The following ATP6V1C1 variants were observed in gnomAD, a reference collection of about 807,000 sequenced individuals.
ATP6V1C1 encodes the protein ATPase H+ transporting V1 subunit C1, also known as V-type proton ATPase subunit C 1.
In ATP6V1C1, 45 loss-of-function variants were observed where a neutral mutation model predicts 53.9. The observed-to-expected ratio is 0.83, with a 90% confidence interval of 0.66 to 1.07. The LOEUF (loss-of-function observed/expected upper bound fraction) is 1.07, where lower values mean the gene tolerates loss of function less well. Among genes scored for constraint, ATP6V1C1 ranks in the 50% least tolerant of loss-of-function variants. The pLI, the probability that ATP6V1C1 is intolerant of heterozygous loss-of-function variation, is 0.00. For synonymous variants in ATP6V1C1, 153 were observed against 155.2 expected (o/e 0.99, Z 0.11); for missense variants, 315 against 440.3 (o/e 0.72, Z 2.55).
At chr8:103,046,376 T>A (rs1271172715) in intron 3 of ATP6V1C1, among the ~76,000 whole-genome samples, 1 of 152,010 alleles carries the variant, frequency 6.6e-6, no homozygotes, top group Admixed American at 6.6e-5. Context: ...CCAGCTAATT[T>A]TTTTATTTTT....
At chr8:103,029,315 G>C (rs11776014) in intron 1 of ATP6V1C1, among the ~76,000 whole-genome samples, 1 of 149,966 alleles carries the variant, frequency 6.7e-6, no homozygotes, top group African/African-American at 2.5e-5. Flanking sequence ...CTGTCACCCA[G>C]GCTGGAGTGA....
intron 1 of ATP6V1C1, among the ~76,000 whole-genome samples, chr8:103,032,585 C>G (rs1235334126): frequency 6.6e-6 from 1 of 151,916 alleles, no homozygotes; most frequent in African/African-American, 2.4e-5. Context: ...TCAAGCAATT[C>G]TTGTGCCTCA....
chr8:103,036,318 C>T (rs899763605), intron 1 of ATP6V1C1, among the ~76,000 whole-genome samples: 1 of 152,190 alleles, frequency 6.6e-6, no homozygotes, highest in Non-Finnish European at 1.5e-5. Context: ...AAAAGCACAA[C>T]ATCAGACTTA....
At chr8:103,066,202 A>C (rs942588121) in intron 11 of ATP6V1C1, 119 bp from the exon 12 acceptor site, 5 of 1,072,298 alleles carry the variant, frequency 4.7e-6, no homozygotes, top group Non-Finnish European at 6.5e-6. Flanking sequence ...TGTAAAGGTA[A>C]AGGGAGATAT....
At chr8:103,045,791 A>G (rs988909484) in intron 3 of ATP6V1C1, among the ~76,000 whole-genome samples, 4 of 152,060 alleles carry the variant, frequency 2.6e-5, no homozygotes, top group Non-Finnish European at 5.9e-5. Flanking sequence ...AATACAAAAA[A>G]TTATCCAGGT....
At chr8:103,066,228 C>T in intron 11 of ATP6V1C1, 93 bp from the exon 12 acceptor site, 1 of 1,401,576 alleles carries the variant, frequency 7.1e-7, no homozygotes, top group Non-Finnish European at 9.6e-7. Context: ...CCCCGTTAAC[C>T]ATGATTAAAG....
At chr8:103,043,914 A>T (rs896618952) in intron 3 of ATP6V1C1, among the ~76,000 whole-genome samples, 2 of 152,036 alleles carry the variant, frequency 1.3e-5, no homozygotes, top group Non-Finnish European at 2.9e-5. Context: ...CTTGAGACAG[A>T]GTCTCGCTCT....
At chr8:103,066,245 A>G in intron 11 of ATP6V1C1, 76 bp from the exon 12 acceptor site, 1 of 1,496,986 alleles carries the variant, frequency 6.7e-7, no homozygotes, top group Non-Finnish European at 9.0e-7. Flanking sequence ...AAAGAGTATG[A>G]GAATATTTGC....
Position 103,055,911 on chromosome 8 carries a change from GA to G in ATP6V1C1, c.619del (p.Met207TrpfsTer2). On this transcript the variant is annotated frameshift_variant, in exon 8 of 13. Transcript: ENST00000518738. LOFTEE classifies it high-confidence loss of function. ...DWIKQYETLAEMVVPRSSNVL... is the reference protein window; with the variant it reads ...DWIKQYETLAXMVVPRSSNVL... Reference sequence around the variant, plus strand: ...GATTAAGCAGTATGAAACACTAGCCGAAATGGTAGTTCCAAGGTCTAGCAAG... The same window carrying G: ...GATTAAGCAGTATGAAACACTAGCCGAATGGTAGTTCCAAGGTCTAGCAAG... The G allele has an allele frequency of 6.2e-7, 1 of 1,612,030 alleles. No individual in the cohort carries two copies. Among genetic ancestry groups the G allele is most frequent in the Non-Finnish European group, 8.5e-7 (1 of 1,178,456 alleles).
chr8:103,050,343 C>T (rs1817178556), intron 4 of ATP6V1C1, among the ~76,000 whole-genome samples: 2 of 152,140 alleles, frequency 1.3e-5, no homozygotes, highest in African/African-American at 4.8e-5. Context: ...GATAGAGTTG[C>T]TTTTGGAAAT....
At chr8:103,047,465 T>C (rs1370480482) in intron 3 of ATP6V1C1, among the ~76,000 whole-genome samples, 2 of 45,666 alleles carry the variant, frequency 4.4e-5, no homozygotes, top group South Asian at 6.0e-4. Context: ...CACACACACA[T>C]TTTTTTTTTA....
At chr8:103,025,318 GC>G (rs1402399240) in intron 1 of ATP6V1C1, among the ~76,000 whole-genome samples, 1 of 152,144 alleles carries the variant, frequency 6.6e-6, no homozygotes, top group Non-Finnish European at 1.5e-5. Context: ...ATGCTGATTA[GC>G]GATCTCCACA....
chr8:103,023,906 G>GT (rs1816648877), intron 1 of ATP6V1C1, among the ~76,000 whole-genome samples: 4 of 110,194 alleles, frequency 3.6e-5, no homozygotes, highest in East Asian at 4.4e-4. Context: ...ATTTTTTTTT[G>GT]GGGGGGGGGA....
At chr8:103,030,052 A>G (rs1816768978) in intron 1 of ATP6V1C1, among the ~76,000 whole-genome samples, 1 of 152,200 alleles carries the variant, frequency 6.6e-6, no homozygotes, top group South Asian at 2.1e-4. Flanking sequence ...GCTTTTAAAT[A>G]AATTCATGTT....
intron 1 of ATP6V1C1, among the ~76,000 whole-genome samples, chr8:103,027,165 ACTGATAGCTGAGGTATGCCTTCTTGT>A (rs1816711476): frequency 6.6e-6 from 1 of 152,214 alleles, no homozygotes; most frequent in Non-Finnish European, 1.5e-5. Flanking sequence ...GTGATATTTC[ACTGATAGCTGAGGTATGCCTTCTTGT>A]GCTTCTTAAA....
At chr8:103,068,491 C>T (rs1022025277) in intron 12 of ATP6V1C1, among the ~76,000 whole-genome samples, 161 bp from the exon 13 acceptor site, 3 of 152,192 alleles carry the variant, frequency 2.0e-5, no homozygotes, top group Admixed American at 2.0e-4. Context: ...ATTGTTTTCT[C>T]ATTTGCAAAA....
At chr8:103,038,716 A>G (rs73699555) in intron 1 of ATP6V1C1, among the ~76,000 whole-genome samples, 35 of 152,362 alleles carry the variant, frequency 2.3e-4, no homozygotes, top group African/African-American at 7.0e-4. Flanking sequence ...GAATGAAAAA[A>G]TCAGATTGGA....
chr8:103,035,231 G>T lies in ATP6V1C1; in HGVS notation c.-39-5567G>T, dbSNP rs1198611263. Among the ~76,000 whole-genome samples, 6 of 151,948 alleles carry T rather than the reference G, an allele frequency of 3.9e-5. No homozygotes were observed. In the East Asian group the frequency reaches 9.7e-4, roughly 24 times the overall value. ...TTTTAATTTTTACTGTAAAATAAGG[G>T]TTTTCTGGAAGACTAAAAAACACTT... On this transcript the variant is annotated intron_variant, in intron 1 of 12. Transcript: ENST00000518738.
chr8:103,043,755 C>T (rs1817044866), intron 3 of ATP6V1C1, among the ~76,000 whole-genome samples: 1 of 152,068 alleles, frequency 6.6e-6, no homozygotes, highest in African/African-American at 2.4e-5. Context: ...CTATTCAGAT[C>T]CTTTGCCCAT....
Sources: allele counts gnomAD v4.1 joint callset (sites outside exome capture counted in the v4.1 genomes callset), GRCh38; gene constraint gnomAD v4.1.1; transcripts MANE v1.5; gene names NCBI Gene and HGNC (gene_info 2026-07-23, HGNC 2026-07-21).